Variants in CREM observed in about 807,000 individuals in gnomAD.
CREM encodes cAMP-responsive element modulator.
Under a neutral mutation model 37.3 loss-of-function variants are expected in CREM, and 13 were observed. That is an observed-to-expected ratio of 0.35 (90% CI 0.23 to 0.55). The LOEUF (loss-of-function observed/expected upper bound fraction) is 0.55, where lower values mean the gene tolerates loss of function less well. Ranked by LOEUF, CREM falls within the 20% of genes least tolerant of loss-of-function variation. The probability of loss-of-function intolerance (pLI) is 0.88; values close to 1 mark genes in which losing one functional copy is unlikely to be tolerated. For missense variants in CREM, 296 were observed against 362.3 expected (o/e 0.82, Z 1.49); for synonymous variants, 124 against 120.2 (o/e 1.03, Z -0.21).
intron 6 of CREM, among the ~76,000 whole-genome samples, chr10:35,203,713 AAG>A (rs1390713099): frequency 1.3e-5 from 2 of 151,946 alleles, no homozygotes; most frequent in South Asian, 2.1e-4. Context: ...AAAAAGTAAA[AAG>A]TTTTTTTTTT....
chr10:35,198,866 G>A (rs548575171), intron 6 of CREM, among the ~76,000 whole-genome samples: 1 of 152,032 alleles, frequency 6.6e-6, no homozygotes, highest in Non-Finnish European at 1.5e-5. Flanking sequence ...GAATAATTTC[G>A]AGGCTGGGCG....
chr10:35,175,042 T>C (rs1025813849), intron 3 of CREM, among the ~76,000 whole-genome samples: 5 of 152,214 alleles, frequency 3.3e-5, no homozygotes, highest in African/African-American at 1.2e-4. Context: ...GCCTATGCCT[T>C]TTTAGTTATT....
chr10:35,160,851 C>T (rs1282302394), intron 3 of CREM, among the ~76,000 whole-genome samples: 5 of 152,112 alleles, frequency 3.3e-5, no homozygotes, highest in East Asian at 1.9e-4. Flanking sequence ...CACATGTTGG[C>T]CTAGGCCTGT....
chr10:35,203,058 CT>C (rs1012721984), intron 6 of CREM, among the ~76,000 whole-genome samples: 61 of 145,914 alleles, frequency 4.2e-4, no homozygotes, highest in African/African-American at 3.0e-4. Flanking sequence ...TGCTTTTTTC[CT>C]TTTTTTTTTT....
intron 5 of CREM, among the ~76,000 whole-genome samples, chr10:35,181,420 C>A (rs918600704): frequency 2.6e-5 from 4 of 152,188 alleles, no homozygotes; most frequent in African/African-American, 9.7e-5. Flanking sequence ...GTTCATTGAA[C>A]TTTCCCTCCA....
intron 6 of CREM, among the ~76,000 whole-genome samples, chr10:35,202,504 C>T (rs2095411070): frequency 6.6e-6 from 1 of 152,246 alleles, no homozygotes; most frequent in Middle Eastern, 3.4e-3. Context: ...GATCCTCATG[C>T]CTCAGCCTCT....
chr10:35,149,449 C>T (rs1291963513), intron 3 of CREM, among the ~76,000 whole-genome samples: 1 of 152,034 alleles, frequency 6.6e-6, no homozygotes, highest in Non-Finnish European at 1.5e-5. Flanking sequence ...GTACACTGTA[C>T]TCTAAATAGT....
chr10:35,133,363 A>G (rs2089802630), intron 1 of CREM, among the ~76,000 whole-genome samples: 1 of 150,608 alleles, frequency 6.6e-6, no homozygotes, highest in African/African-American at 2.5e-5. Context: ...GTTGGAGTGC[A>G]ATGGAGCAAT....
At chr10:35,173,416 G>C (rs2093912541) in intron 3 of CREM, among the ~76,000 whole-genome samples, 1 of 152,162 alleles carries the variant, frequency 6.6e-6, no homozygotes, top group Admixed American at 6.5e-5. Context: ...GTAGATATGA[G>C]AATCTGGCTA....
intron 7 of CREM, chr10:35,209,526 G>A (rs2095617756): frequency 1.7e-5 from 3 of 171,492 alleles, no homozygotes; most frequent in South Asian, 1.9e-4. Flanking sequence ...GTCTGTGCAT[G>A]CACACACACA....
At position 35,193,636 on chromosome 10, in the gene CREM, C is replaced by T. The variant is rs7077882; in HGVS notation, c.598+5248C>T. ...TGAATTGAAACCCTAACCCCATTGT[C>T]AGGTATCCTGGAGAATTACTAGAAA... On this transcript the variant is annotated intron_variant, in intron 6 of 7. Transcript: ENST00000685392. Among the ~76,000 whole-genome samples the T allele has an allele frequency of 6.1e-3, 927 of 152,308 alleles. 11 individuals carry two copies. Among genetic ancestry groups the T allele is most frequent in the African/African-American group, 0.021 (879 of 41,556 alleles).
At chr10:35,164,862 C>T (rs1037690509) in intron 3 of CREM, among the ~76,000 whole-genome samples, 9 of 151,980 alleles carry the variant, frequency 5.9e-5, no homozygotes, top group African/African-American at 2.2e-4. Flanking sequence ...CGAGCCTGGC[C>T]AACATGGTGA....
chr10:35,209,160 C>T (rs1407707388), intron 7 of CREM, among the ~76,000 whole-genome samples: 1 of 152,186 alleles, frequency 6.6e-6, no homozygotes, highest in Non-Finnish European at 1.5e-5. Flanking sequence ...TGATAACCTG[C>T]AAATTTCACT....
chr10:35,143,963 C>G (rs981837860), intron 2 of CREM, among the ~76,000 whole-genome samples: 2 of 152,018 alleles, frequency 1.3e-5, no homozygotes, highest in African/African-American at 4.8e-5. Context: ...AAAGGAAGCA[C>G]TAGTTATGAG....
intron 2 of CREM, among the ~76,000 whole-genome samples, chr10:35,141,755 G>T (rs1243306523): frequency 6.6e-6 from 1 of 152,164 alleles, no homozygotes; most frequent in Non-Finnish European, 1.5e-5. Context: ...TATGAAGTAG[G>T]GAGAGATTTG....
intron 1 of CREM, among the ~76,000 whole-genome samples, chr10:35,132,214 AAAAG>A (rs1279264764): frequency 2.3e-4 from 35 of 151,084 alleles, no homozygotes; most frequent in Middle Eastern, 3.4e-3. Flanking sequence ...AAAAAAAAAA[AAAAG>A]AAAAAAAAAT....
intron 6 of CREM, among the ~76,000 whole-genome samples, chr10:35,191,139 T>A (rs1450392026): frequency 6.8e-6 from 1 of 147,582 alleles, no homozygotes; most frequent in East Asian, 2.1e-4. Flanking sequence ...CAGTTGAACA[T>A]TTTTCTTCAC....
rs1382739365 is a variant in CREM at position 35,195,963 on chromosome 10, C to G, written c.598+7575C>G. 16 of 1,295,566 alleles carry G rather than the reference C, an allele frequency of 1.2e-5. No individual in the cohort carries two copies. In the South Asian group the frequency reaches 1.8e-4, roughly 15 times the overall value. 80.3% of individuals were successfully genotyped at this position (1,295,566 alleles called of 1,614,324 possible). A position where few individuals can be genotyped will look rare whatever the true frequency, so the allele number is the denominator to read the frequency against. On this transcript the variant is annotated intron_variant, in intron 6 of 7. Transcript: ENST00000685392. ...CACCACTGCCTCTGCCTCCAAGCTG[C>G]CTTTTAGACTGAATAGCTTTTCTTG...
intron 5 of CREM, among the ~76,000 whole-genome samples, chr10:35,180,679 C>T (rs905760102): frequency 5.9e-5 from 9 of 152,212 alleles, no homozygotes; most frequent in African/African-American, 1.4e-4. Context: ...TTACTTCTCT[C>T]GTTTACATGC....
Sources: gnomAD v4.1 joint callset for allele counts (sites outside exome capture counted in the v4.1 genomes callset) on GRCh38, gnomAD v4.1.1 for gene constraint, MANE v1.5 for transcripts, NCBI Gene and HGNC (gene_info 2026-07-23, HGNC 2026-07-21) for gene names.